The following TMEM108 variants were observed in gnomAD, a reference collection of about 807,000 sequenced individuals.
TMEM108 encodes transmembrane protein 108, also known as cancer/testis antigen 124.
A neutral mutation model predicts 35.1 loss-of-function variants in TMEM108; 12 were observed. That is an observed-to-expected ratio of 0.34 (90% CI 0.22 to 0.55). TMEM108 has a LOEUF of 0.55. TMEM108 is among the 20% of genes least tolerant of loss of function. The pLI is 0.89. For synonymous variants in TMEM108, 287 were observed against 308.6 expected, an observed-to-expected ratio of 0.93 and a Z score of 0.73; for missense variants, 680 against 753.3, an observed-to-expected ratio of 0.90 and a Z score of 1.14.
intron 3 of TMEM108, among the ~76,000 whole-genome samples, chr3:133,363,375 T>G (rs778031702): frequency 2.0e-5 from 3 of 151,982 alleles, no homozygotes; most frequent in Admixed American, 6.6e-5. Flanking sequence ...TGGCAGTACA[T>G]ATACCTTTAT....
chr3:133,321,102 A>G (rs937598397), intron 3 of TMEM108, among the ~76,000 whole-genome samples: 3 of 152,306 alleles, frequency 2.0e-5, no homozygotes, highest in Non-Finnish European at 4.4e-5. Flanking sequence ...CCATAAAACA[A>G]TAACACAAAA....
intron 3 of TMEM108, among the ~76,000 whole-genome samples, chr3:133,320,707 G>A (rs1397456597): frequency 1.3e-5 from 2 of 152,152 alleles, no homozygotes; most frequent in Non-Finnish European, 1.5e-5. Context: ...CATCACCCAG[G>A]TGCGTAATCA....
At chr3:133,389,836 A>G (rs78069503) in intron 4 of TMEM108, among the ~76,000 whole-genome samples, 2,573 of 152,250 alleles carry the variant, frequency 0.017, 73 homozygotes, top group African/African-American at 0.054. Flanking sequence ...GGGGCTAAAT[A>G]GAGGATTAAA....
intron 2 of TMEM108, among the ~76,000 whole-genome samples, chr3:133,126,479 A>C (rs79171821): frequency 7.3e-6 from 1 of 137,856 alleles, no homozygotes; most frequent in African/African-American, 2.9e-5. Context: ...CCCCCCCCAG[A>C]AAAAAAAAAA....
In TMEM108 at chr3:133,396,131, C is replaced by A. The variant is rs1253770733; in HGVS notation, c.*145C>A. ...TTTTTTTCCTATGAATTGTCAACAT[C>A]TTTTTTACAAGTGTGGTTTAAAAAA... On this transcript the variant is annotated 3_prime_UTR_variant, in exon 6 of 6. Coordinates refer to ENST00000321871, the MANE Select transcript of TMEM108 (RefSeq NM_023943.4). 3.7e-5 allele frequency: 16 copies of A among 434,174 alleles called. No individual in the cohort carries two copies. In the East Asian group the frequency reaches 1.0e-3, roughly 27 times the overall value. The allele number at this position is 434,174 out of a possible 1,614,324, so 26.9% of individuals were successfully genotyped here.
At chr3:133,310,020 T>C (rs1405020602) in intron 3 of TMEM108, among the ~76,000 whole-genome samples, 3 of 152,204 alleles carry the variant, frequency 2.0e-5, no homozygotes, top group African/African-American at 7.2e-5. Flanking sequence ...TTCTTAATCC[T>C]GTGTTCTAAT....
At chr3:133,059,899 G>A (rs1003976680) in intron 2 of TMEM108, among the ~76,000 whole-genome samples, 2 of 152,174 alleles carry the variant, frequency 1.3e-5, no homozygotes, top group Non-Finnish European at 2.9e-5. Flanking sequence ...GACCAAGCAT[G>A]AGAGTCCATT....
chr3:133,234,665 G>T (rs1333781246), intron 3 of TMEM108, among the ~76,000 whole-genome samples: 3 of 152,088 alleles, frequency 2.0e-5, no homozygotes, highest in African/African-American at 7.2e-5. Context: ...GCAAAAACTG[G>T]AAGCATTCCC....
chr3:133,361,080 C>T (rs1195954070), intron 3 of TMEM108, among the ~76,000 whole-genome samples: 1 of 152,216 alleles, frequency 6.6e-6, no homozygotes, highest in Non-Finnish European at 1.5e-5. Flanking sequence ...ATCAACCTTA[C>T]TTGCAGACCT....
At chr3:133,092,243 A>G (rs150120589) in intron 2 of TMEM108, among the ~76,000 whole-genome samples, 136 of 152,346 alleles carry the variant, frequency 8.9e-4, no homozygotes, top group African/African-American at 3.1e-3. Context: ...ACAAGGAACC[A>G]GCTATGTAAA....
intron 2 of TMEM108, among the ~76,000 whole-genome samples, chr3:133,103,182 C>A (rs1944109281): frequency 6.6e-6 from 1 of 152,180 alleles, no homozygotes; most frequent in South Asian, 2.1e-4. Context: ...ATGGAATCAG[C>A]TGAAATGCCC....
intron 3 of TMEM108, among the ~76,000 whole-genome samples, chr3:133,371,691 C>T (rs2072682181): frequency 6.7e-6 from 1 of 149,336 alleles, no homozygotes; most frequent in African/African-American, 2.5e-5. Context: ...AACAGGAGAG[C>T]CAAAGTCACA....
chr3:133,103,942 C>A (rs995107036), intron 2 of TMEM108, among the ~76,000 whole-genome samples: 1 of 152,166 alleles, frequency 6.6e-6, no homozygotes, highest in Non-Finnish European at 1.5e-5. Flanking sequence ...TATATTCTAG[C>A]AGTTGCTGTT....
intron 3 of TMEM108, among the ~76,000 whole-genome samples, chr3:133,365,236 G>C (rs771623380): frequency 4.6e-5 from 7 of 152,090 alleles, no homozygotes; most frequent in Admixed American, 6.5e-5. Context: ...ACATCAACCC[G>C]ATGCAAAATC....
At chr3:133,073,510 C>CTCTCTCTCTCTATATATATA in intron 2 of TMEM108, among the ~76,000 whole-genome samples, 50 of 43,880 alleles carry the variant, frequency 1.1e-3, no homozygotes, top group Admixed American at 2.1e-3. Context: ...CTCTCTCTCT[C>CTCTCTCTCTCTATATATATA]TATATATATA....
At chr3:133,330,850 A>G (rs193184605) in intron 3 of TMEM108, among the ~76,000 whole-genome samples, 105 of 152,322 alleles carry the variant, frequency 6.9e-4, no homozygotes, top group African/African-American at 2.5e-3. Flanking sequence ...GATTCCTTAA[A>G]AGTATGATGT....
At chr3:133,305,276 A>G (rs187711198) in intron 3 of TMEM108, among the ~76,000 whole-genome samples, 7 of 147,606 alleles carry the variant, frequency 4.7e-5, no homozygotes, top group Non-Finnish European at 7.5e-5. Flanking sequence ...AAAAAACCAA[A>G]CACCACATAT....
intron 1 of TMEM108, among the ~76,000 whole-genome samples, chr3:133,044,648 T>C (rs1943313206): frequency 6.6e-6 from 1 of 152,202 alleles, no homozygotes. Flanking sequence ...GCCTTGAGGA[T>C]GCACATGCAC....
chr3:133,160,549 G>T (rs1386053294), intron 2 of TMEM108, among the ~76,000 whole-genome samples: 1 of 152,210 alleles, frequency 6.6e-6, no homozygotes, highest in Non-Finnish European at 1.5e-5. Flanking sequence ...CAGGTTTATT[G>T]CAATAGGGCA....
Sources: gnomAD v4.1 joint callset for allele counts (sites outside exome capture counted in the v4.1 genomes callset) on GRCh38, gnomAD v4.1.1 for gene constraint, MANE v1.5 for transcripts, NCBI Gene and HGNC (gene_info 2026-07-23, HGNC 2026-07-21) for gene names.